Variants in MYOT observed in about 807,000 individuals in gnomAD.
MYOT encodes myotilin, also known as 57 kDa cytoskeletal protein.
MYOT carries 36 observed loss-of-function variants against 58.0 expected under a neutral mutation model. The observed-to-expected ratio is 0.62, with a 90% CI of 0.48 to 0.82. The LOEUF (loss-of-function observed/expected upper bound fraction) is 0.82, where lower values mean the gene tolerates loss of function less well. Ranked by LOEUF, MYOT falls within the 40% of genes least tolerant of loss-of-function variation. The pLI, the probability that MYOT is intolerant of heterozygous loss-of-function variation, is 0.00. For synonymous variants in MYOT, 218 were observed against 204.6 expected (o/e 1.07, Z -0.56); for missense variants, 505 against 592.1 (o/e 0.85, Z 1.53).
chr5:137,884,242 C>T (rs777076655), intron 7 of MYOT, among the ~76,000 whole-genome samples: 8 of 152,090 alleles, frequency 5.3e-5, no homozygotes, highest in Non-Finnish European at 7.4e-5. Context: ...ATAGTCCCAG[C>T]TACTAGAGAG....
rs879896600 is a variant in MYOT at position 137,886,591 on chromosome 5, A to AG, written c.1191-273_1191-272insG. On this transcript the variant is annotated intron_variant, in intron 8 of 9. Transcript: ENST00000239926. The stretch of plus-strand genomic sequence containing the variant: ...GAGACAGATAACGGAACAGGTCAGG[A>AG]CCCCTCCATTCCCCTATACATACGC... 790 of 484,404 alleles carry AG rather than the reference A, an allele frequency of 1.6e-3. 2 individuals carry two copies. The highest frequency in any genetic ancestry group is 0.014 in the African/African-American group (723 of 50,502). 30.0% of individuals were successfully genotyped at this position (484,404 alleles called of 1,614,324 possible).
At chr5:137,871,757 A>T (rs1417153777) in intron 2 of MYOT, among the ~76,000 whole-genome samples, 2 of 152,248 alleles carry the variant, frequency 1.3e-5, no homozygotes, top group Non-Finnish European at 1.5e-5. Context: ...AGGAGAACCT[A>T]GTATGAAAAA....
At chr5:137,883,170 T>C (rs1051399593) in intron 6 of MYOT, 5 of 541,580 alleles carry the variant, frequency 9.2e-6, no homozygotes, top group African/African-American at 1.9e-5. Flanking sequence ...AAAAGAGTTA[T>C]GGTTTGAGAC....
chr5:137,884,338 A>C (rs1229334954), intron 7 of MYOT, among the ~76,000 whole-genome samples: 1 of 152,212 alleles, frequency 6.6e-6, no homozygotes, highest in Non-Finnish European at 1.5e-5. Context: ...TGGGTGACAC[A>C]GTCAGACCTT....
Position 137,879,674 on chromosome 5 carries a change from GCCA to G in MYOT, c.634-1137_634-1135del, listed in dbSNP as rs571904456. ...CGAGTAGCTGGGACTACAGGCACCT[GCCA>G]CCACACCCGGCTTTTTTTTTTTTTT... On this transcript the variant is annotated intron_variant, in intron 4 of 9. Transcript: ENST00000239926. 2.4e-4 allele frequency among the ~76,000 whole-genome samples: 35 copies of G among 145,354 alleles called. 1 individual carries two copies. In the South Asian group the frequency reaches 7.2e-3, roughly 30 times the overall value.
At chr5:137,876,934 G>A (rs1304701918) in intron 3 of MYOT, among the ~76,000 whole-genome samples, 1 of 152,074 alleles carries the variant, frequency 6.6e-6, no homozygotes. Context: ...CTTTACTTAG[G>A]AGATCCTTAT....
Position 137,876,006 on chromosome 5 carries a change from G to A in MYOT, c.531+3G>A, listed in dbSNP as rs1432123345. The stretch of plus-strand genomic sequence containing the variant: ...CCCTTCTTCATAATGGAAATCAAGT[G>A]GGCAAGATGTCTATTTTGTACAAAA... On this transcript the variant is annotated splice_donor_region_variant and intron_variant, in intron 3 of 9. Transcript: ENST00000239926. 1.9e-6 allele frequency: 3 copies of A among 1,613,650 alleles called. No individual in the cohort carries two copies. Among genetic ancestry groups the A allele is most frequent in the Non-Finnish European group, 2.5e-6 (3 of 1,179,856 alleles).
chr5:137,878,482 G>A (rs189835056), intron 4 of MYOT, among the ~76,000 whole-genome samples: 19 of 152,050 alleles, frequency 1.2e-4, no homozygotes, highest in Non-Finnish European at 1.8e-4. Context: ...GAGCCACCAC[G>A]CCTGGCCTCA....
At chr5:137,881,118 G>A (rs907150566) in intron 5 of MYOT, among the ~76,000 whole-genome samples, 1 of 152,124 alleles carries the variant, frequency 6.6e-6, no homozygotes, top group Non-Finnish European at 1.5e-5. Context: ...TCATGACAAT[G>A]GAGACCTAAT....
At chr5:137,881,855 C>G (rs1755442027) in intron 5 of MYOT, 118 bp from the exon 6 acceptor site, 1 of 1,075,938 alleles carries the variant, frequency 9.3e-7, no homozygotes. Context: ...GTACTCCAGC[C>G]TGGGCAACAA....
In MYOT at chr5:137,887,228, C is replaced by G; in HGVS notation, c.1340C>G (p.Thr447Ser). The change falls in exon 10 of 10, where the codon ACT becomes AGT. Residue 447 changes from threonine to serine, a missense_variant. Physicochemically the swap from Thr to Ser is moderately conservative, Grantham distance 58. Coordinates refer to ENST00000239926, the MANE Select transcript of MYOT (RefSeq NM_006790.3). The part of the protein sequence containing the change: ...RLDVTARPNQ[T>S]LPAPKQLRVR... ...TCTATTTCAGCACGTCCAAACCAAACTCTTCCAGCTCCTAAGCAGTTACGG... is the reference window on the plus strand; with the variant it reads ...TCTATTTCAGCACGTCCAAACCAAAGTCTTCCAGCTCCTAAGCAGTTACGG... The G allele has an allele frequency of 4.3e-6, 7 of 1,614,044 alleles. No homozygotes were observed. The highest frequency in any genetic ancestry group is 5.1e-6 in the Non-Finnish European group (6 of 1,179,982).
At chr5:137,881,567 G>A (rs886541649) in intron 5 of MYOT, among the ~76,000 whole-genome samples, 1 of 152,214 alleles carries the variant, frequency 6.6e-6, no homozygotes, top group Non-Finnish European at 1.5e-5. Flanking sequence ...GGGAGGCTGA[G>A]GTAAGAGAAT....
chr5:137,881,751 C>T (rs548955187), intron 5 of MYOT, among the ~76,000 whole-genome samples: 9 of 152,136 alleles, frequency 5.9e-5, no homozygotes, highest in Non-Finnish European at 1.3e-4. Flanking sequence ...GGCTGGAGTG[C>T]AGCGACGCGA....
chr5:137,869,986 A>G (rs1390705846), intron 1 of MYOT, among the ~76,000 whole-genome samples: 1 of 151,926 alleles, frequency 6.6e-6, no homozygotes, highest in Non-Finnish European at 1.5e-5. Flanking sequence ...GTGAATTGTA[A>G]GGTTAAAAAG....
chr5:137,871,102 T>C (rs1415287111), intron 2 of MYOT, 95 bp downstream of exon 2: 1 of 1,040,574 alleles, frequency 9.6e-7, no homozygotes, highest in Non-Finnish European at 1.5e-6. Context: ...CAGTTCATTC[T>C]TTACTATCTA....
At chr5:137,879,184 C>T (rs1278503018) in intron 4 of MYOT, among the ~76,000 whole-genome samples, 2 of 152,160 alleles carry the variant, frequency 1.3e-5, no homozygotes, top group Admixed American at 6.5e-5. Flanking sequence ...GATCTGCCTA[C>T]CTCAGCCTCC....
At chr5:137,881,596 G>A (rs1442245410) in intron 5 of MYOT, among the ~76,000 whole-genome samples, 3 of 152,084 alleles carry the variant, frequency 2.0e-5, no homozygotes, top group Admixed American at 6.6e-5. Flanking sequence ...CCCAAGAAGC[G>A]GAGGTTGGTA....
intron 5 of MYOT, among the ~76,000 whole-genome samples, chr5:137,881,532 C>CGT (rs1755428727): frequency 6.6e-6 from 1 of 152,084 alleles, no homozygotes; most frequent in Non-Finnish European, 1.5e-5. Flanking sequence ...GGCGTAGTGG[C>CGT]ACATGCCTGT....
chr5:137,871,141 T>C, intron 2 of MYOT, 134 bp downstream of exon 2: 1 of 781,848 alleles, frequency 1.3e-6, no homozygotes, highest in Admixed American at 2.0e-5. Context: ...ACAGTCTCAT[T>C]CCATAGTTCT....
Sources: allele counts gnomAD v4.1 joint callset (sites outside exome capture counted in the v4.1 genomes callset), GRCh38; gene constraint gnomAD v4.1.1; transcripts MANE v1.5; gene names NCBI Gene and HGNC (gene_info 2026-07-23, HGNC 2026-07-21).